The following ZNF585A variants were observed in gnomAD, a reference collection of about 807,000 sequenced individuals.
ZNF585A encodes zinc finger protein 585A.
A neutral mutation model predicts 14.9 loss-of-function variants in ZNF585A; 9 were observed. The ratio of observed to expected loss-of-function variants is 0.60; its 90% CI spans 0.36 to 1.05. ZNF585A has a LOEUF of 1.05. Among genes scored for constraint, ZNF585A ranks in the 50% least tolerant of loss-of-function variants. ZNF585A has a pLI of 0.01. For synonymous variants in ZNF585A, 276 were observed against 319.9 expected (o/e 0.86, Z 1.46); for missense variants, 726 against 926.4 (o/e 0.78, Z 2.81).
In ZNF585A at chr19:37,153,126, T is replaced by C; in HGVS notation, c.773A>G (p.Lys258Arg). 2 of 1,614,164 alleles carry C rather than the reference T, an allele frequency of 1.2e-6. No individual in the cohort carries two copies. Among genetic ancestry groups the C allele is most frequent in the Non-Finnish European group, 1.7e-6 (2 of 1,180,018 alleles). Residue 258 changes from lysine (K) to arginine (R), a missense_variant, in exon 5 of 5, where the codon AAG (lysine) becomes AGG (arginine). By Grantham distance (26) the Lys-to-Arg change is conservative. Transcript: ENST00000292841. ...GKAFTQKSTL[K>R]MHQKIHTGER... is the part of the protein sequence containing the mutation. ...GCCTGTATGGATTTTCTGATGCATC[T>C]TGAGTGTGGACTTTTGTGTGAATGC...
At chr19:37,158,123 C>T (rs913655878) in intron 2 of ZNF585A, among the ~76,000 whole-genome samples, 6 of 151,990 alleles carry the variant, frequency 3.9e-5, no homozygotes, top group African/African-American at 1.2e-4. Context: ...CCTGACCTCA[C>T]GATCTACCTG....
At position 37,151,871 on chromosome 19, in the gene ZNF585A, C is replaced by T; in HGVS notation, c.2028G>A (p.Glu676=). 6.2e-7 allele frequency: 1 copy of T among 1,611,112 alleles called. No homozygotes were observed. The highest frequency in any genetic ancestry group is 8.5e-7 in the Non-Finnish European group (1 of 1,179,136). ...TATGAATTCTGTGATGTGTAATCAA[C>T]TCTGACTTCTGTCGAAAGGTCTTCC... ...ECGKTFRQKS[E]LITHHRIHTG... The change falls in exon 5 of 5, where the codon GAG becomes GAA. Residue 676 remains glutamate (E), a synonymous_variant. Transcript: ENST00000292841.
At chr19:37,154,761 T>G (rs1599747945) in intron 4 of ZNF585A, among the ~76,000 whole-genome samples, 1 of 129,966 alleles carries the variant, frequency 7.7e-6, no homozygotes. Context: ...AAAGAGAGGG[T>G]GATTGGACAG....
intron 1 of ZNF585A, among the ~76,000 whole-genome samples, chr19:37,171,624 G>A (rs1972181821): frequency 1.3e-5 from 2 of 152,176 alleles, no homozygotes; most frequent in South Asian, 4.1e-4. Flanking sequence ...ACATATGCCG[G>A]GCGCAGTGGC....
rs1203880068 is a variant in ZNF585A, at chr19:37,148,855, G to A, written c.*2734C>T. On this transcript the variant is annotated 3_prime_UTR_variant, in exon 5 of 5. Transcript: ENST00000292841. Reference sequence around the variant, plus strand: ...GCATTATCAAGCCATGAAAAGACATGGAGGAAACTGAAATCCACATTACTA... The same window carrying A: ...GCATTATCAAGCCATGAAAAGACATAGAGGAAACTGAAATCCACATTACTA... 6.6e-6 allele frequency: 1 copy of A among 152,002 alleles called. No individual in the cohort carries two copies. Among genetic ancestry groups the A allele is most frequent in the Non-Finnish European group, 1.5e-5 (1 of 68,000 alleles). 9.4% of individuals were successfully genotyped at this position (152,002 alleles called of 1,614,324 possible). A position where few individuals can be genotyped will look rare whatever the true frequency, so the allele number is the denominator to read the frequency against.
At chr19:37,163,702 C>G (rs1368233719) in intron 2 of ZNF585A, among the ~76,000 whole-genome samples, 3 of 151,464 alleles carry the variant, frequency 2.0e-5, no homozygotes, top group African/African-American at 4.9e-5. Flanking sequence ...AGAGTAGATT[C>G]GAATATTTAG....
chr19:37,158,333 G>A (rs1481556225), intron 2 of ZNF585A, among the ~76,000 whole-genome samples: 1 of 152,218 alleles, frequency 6.6e-6, no homozygotes, highest in Non-Finnish European at 1.5e-5. Context: ...AAAGGCTGAA[G>A]GGAAGCGTAC....
intron 2 of ZNF585A, among the ~76,000 whole-genome samples, chr19:37,164,399 T>C (rs957867423): frequency 2.3e-5 from 3 of 130,456 alleles, no homozygotes; most frequent in African/African-American, 9.5e-5. Context: ...CAAGACACTG[T>C]CTCAAATTAA....
At chr19:37,153,752 G>A in intron 4 of ZNF585A, 146 bp from the exon 5 acceptor site, 1 of 697,532 alleles carries the variant, frequency 1.4e-6, no homozygotes, top group South Asian at 2.1e-5. Flanking sequence ...TATTGATGGG[G>A]TCTTTTGGGA....
At chr19:37,154,765 T>C (rs1971896361) in intron 4 of ZNF585A, among the ~76,000 whole-genome samples, 1 of 144,652 alleles carries the variant, frequency 6.9e-6, no homozygotes, top group Non-Finnish European at 1.5e-5. Flanking sequence ...AGAGGGTGAT[T>C]GGACAGAAAG....
In ZNF585A at chr19:37,145,969, A is replaced by G. The variant is rs1348918280; in HGVS notation, c.*5620T>C. On this transcript the variant is annotated 3_prime_UTR_variant, in exon 5 of 5. Transcript: ENST00000292841. ...ATTATATTTAAAACCATTAATAGAA[A>G]CAATATAATTATAGAATTAAGTAAA... 6.6e-6 allele frequency: 1 copy of G among 151,796 alleles called. No individual in the cohort carries two copies. The highest frequency in any genetic ancestry group is 2.4e-5 in the African/African-American group (1 of 41,014). The allele number at this position is 151,796 out of a possible 1,614,324, so 9.4% of individuals were successfully genotyped here.
At chr19:37,153,757 T>C in intron 4 of ZNF585A, 151 bp from the exon 5 acceptor site, 1 of 676,706 alleles carries the variant, frequency 1.5e-6, no homozygotes, top group Non-Finnish European at 2.4e-6. Flanking sequence ...ATGGGGTCTT[T>C]TGGGAGGAGA....
chr19:37,152,275 T>C lies in ZNF585A; in HGVS notation c.1624A>G (p.Lys542Glu), dbSNP rs759307549. Residue 542 changes from lysine to glutamate, a missense_variant, in exon 5 of 5, where the codon AAA becomes GAA. Coordinates refer to ENST00000292841, the MANE Select transcript of ZNF585A (RefSeq NM_001288800.2). ...TACTGTCTCTCTCCAGTGTGAATTT[T>C]CTGATGTATATTGAGGTGTGACTTC... ...TQKSHLNIHQ[K>E]IHTGERQYEC... 2.5e-6 allele frequency: 4 copies of C among 1,614,228 alleles called. No individual in the cohort carries two copies. The South Asian group carries it at 4.4e-5, about 18-fold the overall frequency.
chr19:37,157,570 T>C (rs1455532710), intron 2 of ZNF585A, among the ~76,000 whole-genome samples: 3 of 152,098 alleles, frequency 2.0e-5, no homozygotes, highest in African/African-American at 7.2e-5. Flanking sequence ...TGACATTCCG[T>C]AGAGTTGAGG....
At position 37,152,505 on chromosome 19, in the gene ZNF585A, G is replaced by A; in HGVS notation, c.1394C>T (p.Pro465Leu). The A allele has an allele frequency of 6.2e-7, 1 of 1,614,146 alleles. No individual in the cohort carries two copies. The highest frequency in any genetic ancestry group is 1.1e-5 in the South Asian group (1 of 91,082). ...VHKRIHTGEK[P>L]YMCNKCGKAF... ...CTTCCCACATTTATTGCACATATAG[G>A]GCTTTTCTCCTGTGTGAATTCGTTT... Residue 465 changes from proline (P) to leucine (L), a missense_variant, in exon 5 of 5, where the codon CCC becomes CTC. Pro to Leu is a moderately conservative substitution (Grantham distance 98). Coordinates refer to ENST00000292841, the MANE Select transcript of ZNF585A (RefSeq NM_001288800.2).
In ZNF585A at chr19:37,172,228, T is replaced by A. The variant is rs1334303478; in HGVS notation, c.-145+399A>T. 2.0e-5 allele frequency among the ~76,000 whole-genome samples: 3 copies of A among 152,204 alleles called. No homozygotes were observed. The East Asian group carries it at 5.8e-4, about 29-fold the overall frequency. ...ATTACTTTAAAAAGGAACTTCTAAA[T>A]AACTCATGGATCAAAGAAAAAACCA... On this transcript the variant is annotated intron_variant, in intron 1 of 4. Coordinates refer to ENST00000292841, the MANE Select transcript of ZNF585A (RefSeq NM_001288800.2).
Position 37,147,572 on chromosome 19 carries a change from A to G in ZNF585A, c.*4017T>C, listed in dbSNP as rs1971758874. 6.6e-6 allele frequency: 1 copy of G among 152,224 alleles called. No homozygotes were observed. The highest frequency in any genetic ancestry group is 1.5e-5 in the Non-Finnish European group (1 of 68,034). 9.4% of individuals were successfully genotyped at this position (152,224 alleles called of 1,614,324 possible). On this transcript the variant is annotated 3_prime_UTR_variant, in exon 5 of 5. Coordinates refer to ENST00000292841, the MANE Select transcript of ZNF585A (RefSeq NM_001288800.2). ...TAAAATATTAAAATTAGGTAATCAT[A>G]TAAAATAAAACATATACTATAAAAC...
rs1246531458 is a variant in ZNF585A at position 37,151,034 on chromosome 19, T to C, written c.*555A>G. 8.7e-6 allele frequency: 2 copies of C among 230,194 alleles called. No homozygotes were observed. Among genetic ancestry groups the C allele is most frequent in the East Asian group, 8.4e-5 (1 of 11,922 alleles). The allele number at this position is 230,194 out of a possible 1,614,324, so 14.3% of individuals were successfully genotyped here. A position where few individuals can be genotyped will look rare whatever the true frequency, so the allele number is the denominator to read the frequency against. On this transcript the variant is annotated 3_prime_UTR_variant, in exon 5 of 5. Transcript: ENST00000292841. Reference sequence around the variant, plus strand: ...ATACATAAAGGTTTTTTCTTTTTTTTTTTGTAGCATCTCTTTCTTGATAGA... The same window carrying C: ...ATACATAAAGGTTTTTTCTTTTTTTCTTTGTAGCATCTCTTTCTTGATAGA...
chr19:37,171,751 A>C (rs939836997), intron 1 of ZNF585A, among the ~76,000 whole-genome samples: 2 of 152,066 alleles, frequency 1.3e-5, no homozygotes, highest in Non-Finnish European at 2.9e-5. Context: ...AAAATACAAA[A>C]AATTAGCTGG....
Sources: allele counts gnomAD v4.1 joint callset (sites outside exome capture counted in the v4.1 genomes callset), GRCh38; gene constraint gnomAD v4.1.1; transcripts MANE v1.5; gene names NCBI Gene and HGNC (gene_info 2026-07-23, HGNC 2026-07-21).